The following GON4L variants were observed in gnomAD, a reference collection of about 807,000 sequenced individuals.
GON4L encodes gon-4 like, also known as GON-4-like protein.
In GON4L, 87 loss-of-function variants were observed where a neutral mutation model predicts 211.8. The ratio of observed to expected loss-of-function variants is 0.41; its 90% CI spans 0.35 to 0.49. The LOEUF (loss-of-function observed/expected upper bound fraction) is 0.49. Among genes scored for constraint, GON4L ranks in the 20% least tolerant of loss-of-function variants. GON4L has a pLI of 0.15. For missense variants in GON4L, 2,155 were observed against 2,659.5 expected, an observed-to-expected ratio of 0.81 and a Z score of 4.17; for synonymous variants, 875 against 962.6, an observed-to-expected ratio of 0.91 and a Z score of 1.68.
At chr1:155,812,903 TAATA>T (rs1667920694) in intron 10 of GON4L, among the ~76,000 whole-genome samples, 1 of 152,164 alleles carries the variant, frequency 6.6e-6, no homozygotes, top group Non-Finnish European at 1.5e-5. Context: ...TAATACAAGA[TAATA>T]AACTCATTTT....
intron 2 of GON4L, among the ~76,000 whole-genome samples, chr1:155,833,797 G>C (rs1276417495): frequency 6.8e-6 from 1 of 147,300 alleles, no homozygotes; most frequent in African/African-American, 2.5e-5. Context: ...GGAGAGGAAA[G>C]AAAGAAAAAT....
intron 1 of GON4L, 132 bp from the exon 2 acceptor site, chr1:155,853,938 G>A: frequency 1.5e-6 from 1 of 669,306 alleles, no homozygotes; most frequent in South Asian, 1.9e-5. Flanking sequence ...TTCCCTTTAG[G>A]TGGAAGTTGA....
intron 2 of GON4L, among the ~76,000 whole-genome samples, chr1:155,837,635 C>T (rs181701881): frequency 3.3e-4 from 50 of 152,080 alleles, no homozygotes; most frequent in African/African-American, 1.0e-3. Flanking sequence ...TCTCTCTCCC[C>T]CACCAGAGAA....
In GON4L at chr1:155,771,090, T is replaced by C; in HGVS notation, c.2623A>G (p.Arg875Gly). ...TVRIKNLNMN[R>G]APDNIIKFYK... ...ACTTTAATGATGTTGTCAGGAGCTC[T>C]GTTCATGTTGAGGTTCTTGATTCTC... Residue 875 changes from arginine (R) to glycine (G), a missense_variant, in exon 19 of 32, where the codon AGA (arginine) becomes GGA (glycine). Physicochemically the swap from Arg to Gly is moderately radical, Grantham distance 125. Around this residue, in one of 6 missense-constraint regions of GON4L, gnomAD observed 551 missense variants for 854.0 expected, o/e 0.65. Transcript: ENST00000368331. The C allele has an allele frequency of 6.2e-7, 1 of 1,614,210 alleles. No individual in the cohort carries two copies. Among genetic ancestry groups the C allele is most frequent in the Non-Finnish European group, 8.5e-7 (1 of 1,180,038 alleles).
At chr1:155,753,133 T>C (rs1660794649) in intron 29 of GON4L, 71 bp downstream of exon 29, 1 of 1,168,996 alleles carries the variant, frequency 8.6e-7, no homozygotes, top group East Asian at 2.3e-5. Flanking sequence ...TCCAGGCTCA[T>C]GGAGGTTCCT....
intron 2 of GON4L, chr1:155,845,425 C>A: frequency 2.9e-6 from 1 of 344,640 alleles, no homozygotes; most frequent in South Asian, 2.5e-5. Flanking sequence ...AGGTACTGCT[C>A]AATGTGGTGG....
At chr1:155,822,568 AAAGCATTATGC>A in intron 3 of GON4L, 92 bp from the exon 4 acceptor site, 1 of 893,402 alleles carries the variant, frequency 1.1e-6, no homozygotes, top group Non-Finnish European at 1.9e-6. Flanking sequence ...ATAAATCTCA[AAAGCATTATGC>A]TGTGAAAGAA....
chr1:155,808,821 A>C (rs1245902212), intron 10 of GON4L, among the ~76,000 whole-genome samples: 3 of 152,002 alleles, frequency 2.0e-5, no homozygotes, highest in Admixed American at 6.6e-5. Flanking sequence ...TAGGTTACCC[A>C]GGCTTGTCTT....
At chr1:155,855,603 A>G (rs1672199820) in intron 1 of GON4L, among the ~76,000 whole-genome samples, 1 of 152,214 alleles carries the variant, frequency 6.6e-6, no homozygotes, top group Non-Finnish European at 1.5e-5. Flanking sequence ...GTAGATACTC[A>G]ATGAATGCTC....
intron 2 of GON4L, among the ~76,000 whole-genome samples, chr1:155,833,738 G>GGGCGGAGA: frequency 1.5e-5 from 1 of 66,466 alleles, no homozygotes; most frequent in African/African-American, 5.8e-5. Flanking sequence ...GGGAGGAGAG[G>GGGCGGAGA]GGAGGAGAGG....
chr1:155,757,599 TAAGGC>T (rs2101658593), intron 25 of GON4L, among the ~76,000 whole-genome samples: 1 of 149,286 alleles, frequency 6.7e-6, no homozygotes, highest in South Asian at 2.2e-4. Flanking sequence ...AGCAAGGAGG[TAAGGC>T]CCCTCCCAGG....
downstream of GON4L, chr1:155,748,033 G>A (rs1322600108): frequency 5.6e-6 from 9 of 1,608,084 alleles, no homozygotes; most frequent in Non-Finnish European, 6.8e-6. Flanking sequence ...TCGTGCACCT[G>A]ACTGCTCACA....
chr1:155,847,170 A>G (rs1571933006), intron 2 of GON4L, among the ~76,000 whole-genome samples: 1 of 152,238 alleles, frequency 6.6e-6, no homozygotes, highest in East Asian at 1.9e-4. Context: ...TGAACTCAGA[A>G]TACCACAAGT....
chr1:155,807,325 G>A (rs1197892816), intron 10 of GON4L, among the ~76,000 whole-genome samples: 1 of 152,086 alleles, frequency 6.6e-6, no homozygotes, highest in African/African-American at 2.4e-5. Context: ...CTTGAACACA[G>A]GAGGAGGTTG....
Position 155,785,317 on chromosome 1 carries a change from C to G in GON4L, c.1788+17G>C, listed in dbSNP as rs1557860432. 6.5e-7 allele frequency: 1 copy of G among 1,529,830 alleles called. No homozygotes were observed. 94.8% of individuals were successfully genotyped at this position (1,529,830 alleles called of 1,614,324 possible). A position where few individuals can be genotyped will look rare whatever the true frequency, so the allele number is the denominator to read the frequency against. On this transcript the variant is annotated intron_variant, in intron 13 of 31. Coordinates refer to ENST00000368331, the MANE Select transcript of GON4L (RefSeq NM_001282860.2). ...TGACTTAAAATCCCGTGTTCTCACT[C>G]GAGGATCATTACTCACAGTTTCAAA...
intron 16 of GON4L, 131 bp from the exon 17 acceptor site, chr1:155,775,304 T>C: frequency 8.3e-7 from 1 of 1,203,808 alleles, no homozygotes; most frequent in Non-Finnish European, 1.2e-6. Context: ...CATAAAGTCT[T>C]TCACAATAAA....
chr1:155,766,041 G>C lies in GON4L; in HGVS notation c.3432C>G (p.Ile1144Met), dbSNP rs138232256. ...APVIHHPASV[I>M]FTVPATTVKI... ...TCACAGTGGTAGCAGGAACAGTGAA[G>C]ATAACAGATGCAGGGTGGTGGATAA... Residue 1144 changes from isoleucine (I) to methionine (M), a missense_variant, in exon 21 of 32, where the codon ATC becomes ATG. Coordinates refer to ENST00000368331, the MANE Select transcript of GON4L (RefSeq NM_001282860.2). The C allele has an allele frequency of 6.7e-5, 108 of 1,614,202 alleles. No homozygotes were observed. The East Asian group carries it at 2.4e-3, about 36-fold the overall frequency.
At chr1:155,847,010 AAAAC>A (rs1392473865) in intron 2 of GON4L, among the ~76,000 whole-genome samples, 1 of 152,184 alleles carries the variant, frequency 6.6e-6, no homozygotes, top group Admixed American at 6.5e-5. Flanking sequence ...CAAAAACAAA[AAAAC>A]AAAAAAAACA....
intron 23 of GON4L, among the ~76,000 whole-genome samples, chr1:155,761,896 C>G (rs935702256): frequency 5.3e-5 from 8 of 152,200 alleles, no homozygotes; most frequent in African/African-American, 1.9e-4. Flanking sequence ...AGGTCCTTAT[C>G]AGCGCACCCA....
Sources: gnomAD v4.1 joint callset for allele counts (sites outside exome capture counted in the v4.1 genomes callset) on GRCh38, gnomAD v4.1.1 for gene constraint, gnomAD v4.1.1 regional missense constraint, MANE v1.5 for transcripts, NCBI Gene and HGNC (gene_info 2026-07-23, HGNC 2026-07-21) for gene names.